COG2: variants seen among roughly 807,000 people sequenced by gnomAD.
COG2 encodes component of oligomeric golgi complex 2.
Under a neutral mutation model 90.6 loss-of-function variants are expected in COG2, and 52 were observed. The observed-to-expected ratio is 0.57, with a 90% CI of 0.46 to 0.72. The LOEUF (loss-of-function observed/expected upper bound fraction) is 0.72. Among genes scored for constraint, COG2 ranks in the 30% least tolerant of loss-of-function variants. The pLI is 0.00. For synonymous variants in COG2, 337 were observed against 320.4 expected (o/e 1.05, Z -0.55); for missense variants, 829 against 891.2 (o/e 0.93, Z 0.89).
At chr1:230,678,674 C>T in intron 9 of COG2, 1 of 1,427,502 alleles carries the variant, frequency 7.0e-7, no homozygotes, top group Non-Finnish European at 9.3e-7. Flanking sequence ...CTTAGAGTGC[C>T]TGGGTCTCAG....
intron 10 of COG2, chr1:230,683,329 G>A (rs947185659): frequency 2.5e-6 from 1 of 405,890 alleles, no homozygotes; most frequent in African/African-American, 2.1e-5. Flanking sequence ...AGAAACATGG[G>A]GTAAGTTATG....
chr1:230,666,367 GTC>G (rs762258958), intron 5 of COG2, among the ~76,000 whole-genome samples: 5 of 152,078 alleles, frequency 3.3e-5, no homozygotes, highest in Admixed American at 6.6e-5. Context: ...CTGCTCTAGT[GTC>G]TCTGAGATTG....
chr1:230,670,662 G>C (rs1475356273), intron 7 of COG2: 2 of 152,094 alleles, frequency 1.3e-5, no homozygotes, highest in African/African-American at 2.4e-5. Context: ...TGTCACGCAG[G>C]CTGGGGTGCA....
At chr1:230,678,514 T>C (rs1356278623) in intron 9 of COG2, 1 of 985,216 alleles carries the variant, frequency 1.0e-6, no homozygotes, top group African/African-American at 1.7e-5. Flanking sequence ...TTCTTTCTCT[T>C]CTCTCTCTTT....
intron 1 of COG2, among the ~76,000 whole-genome samples, chr1:230,654,523 GTATAGT>G (rs1662003401): frequency 6.6e-6 from 1 of 152,184 alleles, no homozygotes; most frequent in East Asian, 1.9e-4. Flanking sequence ...TAGCCTTGTA[GTATAGT>G]TTGAAGTCAG....
chr1:230,660,679 C>A, intron 2 of COG2, 79 bp from the exon 3 acceptor site: 2 of 919,022 alleles, frequency 2.2e-6, no homozygotes, highest in Non-Finnish European at 3.3e-6. Flanking sequence ...AAGTCTAGCA[C>A]TACATTGATC....
Position 230,690,136 on chromosome 1 carries a change from C to T in COG2, c.1917C>T (p.Leu639=). 6.2e-7 allele frequency: 1 copy of T among 1,613,318 alleles called. No homozygotes were observed. The change falls in exon 16 of 18, where the codon CTC becomes CTT. Residue 639 remains leucine, a synonymous_variant. Transcript: ENST00000366669. ...AIIQQWLEGT[L]SESTHKYYET... ...TTCAGCAGTGGCTAGAAGGCACTCT[C>T]AGTGAAAGCACTCATAAGTAAGTAA...
At chr1:230,664,611 T>G in intron 5 of COG2, 24 bp downstream of exon 5, 1 of 1,192,596 alleles carries the variant, frequency 8.4e-7, no homozygotes, top group Non-Finnish European at 1.2e-6. Context: ...ATTAAATAAC[T>G]CGTAAATTAA....
intron 13 of COG2, 63 bp downstream of exon 13, chr1:230,687,195 G>A (rs1662905243): frequency 1.4e-6 from 2 of 1,467,860 alleles, no homozygotes; most frequent in African/African-American, 1.4e-5. Flanking sequence ...AAGGTAGTAT[G>A]TGTAAAAGGC....
chr1:230,642,847 G>A lies in COG2; in HGVS notation c.72+169G>A, dbSNP rs953619413. 17 of 630,224 alleles carry A rather than the reference G, an allele frequency of 2.7e-5. No individual in the cohort carries two copies. In the East Asian group the frequency reaches 4.3e-4, roughly 16 times the overall value. 39.0% of individuals were successfully genotyped at this position (630,224 alleles called of 1,614,324 possible). A position where few individuals can be genotyped will look rare whatever the true frequency, so the allele number is the denominator to read the frequency against. On this transcript the variant is annotated intron_variant, in intron 1 of 17. Coordinates refer to ENST00000366669, the MANE Select transcript of COG2 (RefSeq NM_007357.3). Reference sequence around the variant, plus strand: ...TGAGTCTTTTGGCGTCAGGTTTGGCGGGTGCAGCCTGGAGAAAGCACTTCT... The same window carrying A: ...TGAGTCTTTTGGCGTCAGGTTTGGCAGGTGCAGCCTGGAGAAAGCACTTCT...
At chr1:230,677,994 C>G (rs1662641077) in intron 9 of COG2, 4 of 985,116 alleles carry the variant, frequency 4.1e-6, no homozygotes, top group Non-Finnish European at 4.8e-6. Flanking sequence ...TGCCCAAAAC[C>G]ATTTGAAATA....
intron 1 of COG2, among the ~76,000 whole-genome samples, chr1:230,644,012 G>A (rs894180345): frequency 1.3e-5 from 2 of 152,130 alleles, no homozygotes; most frequent in South Asian, 2.1e-4. Flanking sequence ...ATCTCAGTTT[G>A]TCCATCTCTT....
chr1:230,657,665 G>A (rs1571946032), intron 1 of COG2, among the ~76,000 whole-genome samples: 1 of 152,092 alleles, frequency 6.6e-6, no homozygotes, highest in African/African-American at 2.4e-5. Flanking sequence ...TAGTGTTTTC[G>A]AACTTGGTTC....
chr1:230,679,596 C>T (rs1295109649), intron 10 of COG2: 1 of 152,224 alleles, frequency 6.6e-6, no homozygotes, highest in African/African-American at 2.4e-5. Context: ...ACCCTCTATT[C>T]AGGAAAATGG....
chr1:230,652,062 G>T (rs1173319349), intron 1 of COG2, among the ~76,000 whole-genome samples: 1 of 152,108 alleles, frequency 6.6e-6, no homozygotes, highest in African/African-American at 2.4e-5. Flanking sequence ...CATTCTTTGT[G>T]TTCTACATTC....
At chr1:230,693,267 T>G in intron 17 of COG2, 25 bp from the exon 18 acceptor site, 2 of 1,374,638 alleles carry the variant, frequency 1.5e-6, no homozygotes, top group Non-Finnish European at 2.1e-6. Flanking sequence ...TGCAGTAACA[T>G]AATTCATTCT....
At chr1:230,653,359 T>C (rs1214138670) in intron 1 of COG2, among the ~76,000 whole-genome samples, 1 of 151,492 alleles carries the variant, frequency 6.6e-6, no homozygotes, top group Non-Finnish European at 1.5e-5. Flanking sequence ...TAACTGGGAG[T>C]ACAGGCACAT....
At chr1:230,683,479 G>A (rs1662804653) in intron 10 of COG2, 95 bp from the exon 11 acceptor site, 1 of 888,920 alleles carries the variant, frequency 1.1e-6, no homozygotes, top group East Asian at 2.5e-5. Context: ...GAGTGACAGA[G>A]GAAGTTCCTG....
At chr1:230,646,414 T>C (rs988568547) in intron 1 of COG2, among the ~76,000 whole-genome samples, 2 of 152,186 alleles carry the variant, frequency 1.3e-5, no homozygotes, top group African/African-American at 4.8e-5. Context: ...TTGGCCTCTC[T>C]GGTCTCCTTG....
Sources: allele counts gnomAD v4.1 joint callset (sites outside exome capture counted in the v4.1 genomes callset), GRCh38; gene constraint gnomAD v4.1.1; transcripts MANE v1.5; gene names NCBI Gene and HGNC (gene_info 2026-07-23, HGNC 2026-07-21).